HVCN1: variants seen among roughly 807,000 people sequenced by gnomAD.
HVCN1 encodes hydrogen voltage gated channel 1, also known as voltage-gated hydrogen channel 1.
A neutral mutation model predicts 29.2 loss-of-function variants in HVCN1; 14 were observed. The observed-to-expected ratio is 0.48, with a 90% confidence interval of 0.32 to 0.75. The LOEUF is 0.75. HVCN1 is among the 30% of genes least tolerant of loss of function. HVCN1 has a pLI of 0.04. For synonymous variants in HVCN1, 131 were observed against 133.2 expected (o/e 0.98, Z 0.11); for missense variants, 263 against 341.8 (o/e 0.77, Z 1.82).
At chr12:110,683,089 T>C in intron 3 of HVCN1, 136 bp downstream of exon 3, 1 of 1,204,570 alleles carries the variant, frequency 8.3e-7, no homozygotes, top group Non-Finnish European at 1.2e-6. Flanking sequence ...CTTTTCATCA[T>C]TTTGATTTTA....
intron 3 of HVCN1, chr12:110,682,944 A>G: frequency 2.8e-6 from 1 of 354,808 alleles, no homozygotes; most frequent in South Asian, 2.5e-5. Flanking sequence ...AGCCTGGGAA[A>G]CAAGAGTGAA....
At chr12:110,656,918 A>G (rs2068009271) in intron 4 of HVCN1, among the ~76,000 whole-genome samples, 1 of 152,236 alleles carries the variant, frequency 6.6e-6, no homozygotes, top group South Asian at 2.1e-4. Flanking sequence ...TTTTGGAACT[A>G]AAGGGATCTG....
upstream of HVCN1, among the ~76,000 whole-genome samples, chr12:110,691,223 C>T (rs914361168): frequency 1.3e-5 from 2 of 151,894 alleles, no homozygotes; most frequent in African/African-American, 2.4e-5. Context: ...CCACCACGCT[C>T]GGTTAAATGT....
chr12:110,671,358 G>A (rs2068570141), intron 3 of HVCN1, among the ~76,000 whole-genome samples: 1 of 152,124 alleles, frequency 6.6e-6, no homozygotes, highest in African/African-American at 2.4e-5. Flanking sequence ...CAGAGGGTAA[G>A]GTCACGTGAA....
intron 2 of HVCN1, among the ~76,000 whole-genome samples, chr12:110,685,124 G>A (rs1437754538): frequency 2.0e-5 from 3 of 152,188 alleles, no homozygotes; most frequent in Non-Finnish European, 2.9e-5. Context: ...TCTCAAGATG[G>A]AGGGAATGAT....
chr12:110,687,261 C>CG (rs921820227), intron 2 of HVCN1, among the ~76,000 whole-genome samples: 3 of 149,168 alleles, frequency 2.0e-5, no homozygotes, highest in Non-Finnish European at 4.5e-5. Context: ...GACCACACCC[C>CG]CCCCCCCCAG....
intron 3 of HVCN1, among the ~76,000 whole-genome samples, chr12:110,663,444 T>TA (rs1336549722): frequency 6.7e-6 from 1 of 149,276 alleles, no homozygotes; most frequent in Non-Finnish European, 1.5e-5. Flanking sequence ...TGCAGAAAAA[T>TA]AAAAAAAATT....
chr12:110,700,024 C>T (rs2069547855), intron 2 of HVCN1, among the ~76,000 whole-genome samples: 1 of 152,170 alleles, frequency 6.6e-6, no homozygotes, highest in South Asian at 2.1e-4. Context: ...AGGGGGCGAA[C>T]AAGATTGGGA....
At chr12:110,704,863 G>A (rs2069591397) in intron 1 of HVCN1, 2 of 152,236 alleles carry the variant, frequency 1.3e-5, no homozygotes, top group African/African-American at 2.4e-5. Context: ...AGGGTCCACT[G>A]AGCTCACTTG....
intron 2 of HVCN1, among the ~76,000 whole-genome samples, chr12:110,698,831 C>T (rs2069531752): frequency 6.6e-6 from 1 of 152,120 alleles, no homozygotes; most frequent in Non-Finnish European, 1.5e-5. Context: ...TGCTTACTGT[C>T]AAGAACACAC....
intron 4 of HVCN1, among the ~76,000 whole-genome samples, chr12:110,655,774 G>A (rs1427752040): frequency 2.0e-5 from 3 of 148,248 alleles, no homozygotes; most frequent in Middle Eastern, 3.4e-3. Context: ...GCATGATCTC[G>A]CCTCACTGCA....
intron 2 of HVCN1, 39 bp downstream of exon 2, chr12:110,688,586 G>C (rs1026814445): frequency 3.3e-5 from 5 of 152,370 alleles, no homozygotes; most frequent in African/African-American, 1.2e-4. Flanking sequence ...AGGGCAGCGG[G>C]GCAGGGACGA....
chr12:110,687,609 C>T lies in HVCN1; in HGVS notation c.-20+1016G>A, dbSNP rs548235703. Among the ~76,000 whole-genome samples the T allele has an allele frequency of 8.6e-5, 13 of 151,804 alleles. No individual in the cohort carries two copies. In the East Asian group the frequency reaches 9.7e-4, roughly 11 times the overall value. ...ATTTGGATGGAAGTGAGGGGTCCAG[C>T]GTGATGAGGCGGCAAGAGATGCTGG... On this transcript the variant is annotated intron_variant, in intron 2 of 7. Coordinates refer to ENST00000242607, the MANE Select transcript of HVCN1 (RefSeq NM_032369.4).
chr12:110,660,440 A>C (rs1329677556), intron 4 of HVCN1, among the ~76,000 whole-genome samples: 1 of 152,244 alleles, frequency 6.6e-6, no homozygotes, highest in Non-Finnish European at 1.5e-5. Context: ...CACAAGAGAG[A>C]CTGAGGCCCC....
At chr12:110,649,921 C>A (rs762702229) in intron 7 of HVCN1, among the ~76,000 whole-genome samples, 3 of 152,170 alleles carry the variant, frequency 2.0e-5, no homozygotes, top group Non-Finnish European at 4.4e-5. Context: ...TCTTGGCTCA[C>A]CACAACCTCC....
chr12:110,665,096 T>C (rs2068299079), intron 3 of HVCN1, among the ~76,000 whole-genome samples: 1 of 152,002 alleles, frequency 6.6e-6, no homozygotes, highest in Non-Finnish European at 1.5e-5. Context: ...AACAAACTGA[T>C]CCCCAAGTAA....
In HVCN1 at chr12:110,661,735, C is replaced by G. The variant is rs16940932; in HGVS notation, c.22-287G>C. 6.6e-6 allele frequency among the ~76,000 whole-genome samples: 1 copy of G among 152,202 alleles called. No homozygotes were observed. Among genetic ancestry groups the G allele is most frequent in the Admixed American group, 6.5e-5 (1 of 15,288 alleles). On this transcript the variant is annotated intron_variant, in intron 3 of 7. Coordinates refer to ENST00000242607, the MANE Select transcript of HVCN1 (RefSeq NM_032369.4). This position sits in a 1 kb window ranked among gnomAD's most constrained non-coding sequence, Gnocchi z 6.2. ...TACTGCAGCCCGGTCCCAAAACACCCGCCACGGGCCCATGTGTGAATACCG... is the reference window on the plus strand; with the variant it reads ...TACTGCAGCCCGGTCCCAAAACACCGGCCACGGGCCCATGTGTGAATACCG...
chr12:110,683,599 G>A (rs1461467027), intron 2 of HVCN1, among the ~76,000 whole-genome samples: 13 of 152,128 alleles, frequency 8.5e-5, no homozygotes, highest in Admixed American at 2.0e-4. Context: ...ACAATGGAAC[G>A]TTATTTGGCC....
intron 2 of HVCN1, among the ~76,000 whole-genome samples, chr12:110,698,063 G>A (rs2069520206): frequency 1.3e-5 from 2 of 152,200 alleles, no homozygotes; most frequent in African/African-American, 4.8e-5. Flanking sequence ...CCCAATACAG[G>A]ATTCTCAGTG....
Sources: gnomAD v4.1 joint callset for allele counts (sites outside exome capture counted in the v4.1 genomes callset) on GRCh38, gnomAD v4.1.1 for gene constraint, Gnocchi (gnomAD v3.1) non-coding constraint, MANE v1.5 for transcripts, NCBI Gene and HGNC (gene_info 2026-07-23, HGNC 2026-07-21) for gene names.